LTB4R: variants seen among roughly 807,000 people sequenced by gnomAD.
LTB4R encodes the protein leukotriene B4 receptor 1.
For synonymous variants in LTB4R, 250 were observed against 230.7 expected (o/e 1.08, Z -0.76); for missense variants, 470 against 485.6 (o/e 0.97, Z 0.30).
Position 24,316,506 on chromosome 14 carries a change from C to A in LTB4R, c.855C>A (p.Tyr285Ter). ...GCAGCAGCGTGAACCCCGTGCTGTA[C>A]GCGTGCGCCGGCGGCGGCCTGCTGC... is the stretch of plus-strand genomic sequence containing the variant. ...FLSSSVNPVL[Y>*]ACAGGGLLRS... The change falls in exon 2 of 2, where the codon TAC becomes TAA. Residue 285 changes from tyrosine (Y) to a stop codon, truncating the protein, a stop_gained. Coordinates refer to ENST00000345363, the MANE Select transcript of LTB4R (RefSeq NM_001143919.3). LOFTEE classifies it low-confidence loss of function (END_TRUNC). The A allele has an allele frequency of 6.7e-7, 1 of 1,498,858 alleles. No individual in the cohort carries two copies. The highest frequency in any genetic ancestry group is 2.7e-5 in the East Asian group (1 of 37,422). The allele number at this position is 1,498,858 out of a possible 1,614,324, so 92.8% of individuals were successfully genotyped here. A position where few individuals can be genotyped will look rare whatever the true frequency, so the allele number is the denominator to read the frequency against.
chr14:24,316,240 G>A lies in LTB4R; in HGVS notation c.589G>A (p.Val197Met), dbSNP rs550937810. 7 of 1,613,238 alleles carry A rather than the reference G, an allele frequency of 4.3e-6. No homozygotes were observed. The highest frequency in any genetic ancestry group is 5.1e-6 in the Non-Finnish European group (6 of 1,180,008). ...GGGCTTCCTGCTGCCCTTCCTGGCT[G>A]TGGTGGCCAGCTACTCGGACATAGG... ...VTGFLLPFLA[V>M]VASYSDIGRR... Residue 197 changes from valine to methionine, a missense_variant, in exon 2 of 2, where the codon GTG (valine) becomes ATG (methionine). Coordinates refer to ENST00000345363, the MANE Select transcript of LTB4R (RefSeq NM_001143919.3).
chr14:24,316,375 C>G lies in LTB4R; in HGVS notation c.724C>G (p.Leu242Val). 1 of 1,596,074 alleles carries G rather than the reference C, an allele frequency of 6.3e-7. No homozygotes were observed. The highest frequency in any genetic ancestry group is 8.5e-7 in the Non-Finnish European group (1 of 1,175,100). ...AFWLPYHVVN[L>V]AEAGRALAGQ... ...CTGGCTGCCCTACCACGTGGTGAAC[C>G]TGGCTGAGGCGGGCCGCGCGCTGGC... Residue 242 changes from leucine to valine, a missense_variant, in exon 2 of 2, where the codon CTG becomes GTG. Transcript: ENST00000345363.
chr14:24,311,911 G>A (rs142892063), intron 1 of LTB4R, 107 bp downstream of exon 1: 2 of 639,418 alleles, frequency 3.1e-6, no homozygotes, highest in African/African-American at 1.8e-5. Context: ...CAAACTGAGG[G>A]ATTATGAGGG....
chr14:24,316,389 C>A lies in LTB4R; in HGVS notation c.738C>A (p.Gly246=). 2 of 1,587,108 alleles carry A rather than the reference C, an allele frequency of 1.3e-6. No homozygotes were observed. Among genetic ancestry groups the A allele is most frequent in the Non-Finnish European group, 1.7e-6 (2 of 1,171,226 alleles). ...ACGTGGTGAACCTGGCTGAGGCGGG[C>A]CGCGCGCTGGCCGGCCAGGCCGCCG... is the stretch of plus-strand genomic sequence containing the variant. ...PYHVVNLAEA[G]RALAGQAAGL... The change falls in exon 2 of 2, where the codon GGC becomes GGA. Residue 246 remains glycine, a synonymous_variant. Coordinates refer to ENST00000345363, the MANE Select transcript of LTB4R (RefSeq NM_001143919.3).
At chr14:24,312,922 C>T (rs774524810) in intron 1 of LTB4R, among the ~76,000 whole-genome samples, 6 of 152,144 alleles carry the variant, frequency 3.9e-5, no homozygotes, top group Admixed American at 1.3e-4. Context: ...GATGGTTGGC[C>T]GCTCAAGTGG....
In LTB4R at chr14:24,316,236, G is replaced by A; in HGVS notation, c.585G>A (p.Leu195=). 2 of 1,613,456 alleles carry A rather than the reference G, an allele frequency of 1.2e-6. No individual in the cohort carries two copies. The highest frequency in any genetic ancestry group is 2.2e-5 in the South Asian group (2 of 91,086). The change falls in exon 2 of 2, where the codon CTG becomes CTA. Residue 195 remains leucine (L), a synonymous_variant. Coordinates refer to ENST00000345363, the MANE Select transcript of LTB4R (RefSeq NM_001143919.3). ...EAVTGFLLPF[L]AVVASYSDIG... Reference sequence around the variant, plus strand: ...TCACGGGCTTCCTGCTGCCCTTCCTGGCTGTGGTGGCCAGCTACTCGGACA... The same window carrying A: ...TCACGGGCTTCCTGCTGCCCTTCCTAGCTGTGGTGGCCAGCTACTCGGACA...
chr14:24,312,765 G>A (rs1446091123), intron 1 of LTB4R, among the ~76,000 whole-genome samples: 2 of 152,196 alleles, frequency 1.3e-5, no homozygotes, highest in Non-Finnish European at 2.9e-5. Flanking sequence ...ATTGGGGGAT[G>A]TAGAATGGGA....
chr14:24,316,122 A>C lies in LTB4R; in HGVS notation c.471A>C (p.Thr157=), dbSNP rs1217618040. ...LLATPVLAYR[T]VVPWKTNMSL... ...CCACACCCGTCCTCGCGTACCGCAC[A>C]GTAGTGCCCTGGAAAACGAACATGA... Residue 157 remains threonine (T), a synonymous_variant, in exon 2 of 2, where the codon ACA becomes ACC. Transcript: ENST00000345363. 1 of 1,613,692 alleles carries C rather than the reference A, an allele frequency of 6.2e-7. No homozygotes were observed. The highest frequency in any genetic ancestry group is 2.2e-5 in the East Asian group (1 of 44,896).
Position 24,311,537 on chromosome 14 carries a change from C to T in LTB4R, c.-283C>T. 6.2e-7 allele frequency: 1 copy of T among 1,605,776 alleles called. No individual in the cohort carries two copies. ...TCAACCCGGTGCTCTACGTCTTCAC[C>T]GCTGGAGATCTGCTGCCCCGGGCAG... On this transcript the variant is annotated 5_prime_UTR_variant, in exon 1 of 2. Coordinates refer to ENST00000345363, the MANE Select transcript of LTB4R (RefSeq NM_001143919.3).
Position 24,316,196 on chromosome 14 carries a change from T to C in LTB4R, c.545T>C (p.Leu182Pro). Residue 182 changes from leucine to proline, a missense_variant, in exon 2 of 2, where the codon CTA becomes CCA. Coordinates refer to ENST00000345363, the MANE Select transcript of LTB4R (RefSeq NM_001143919.3). The stretch of plus-strand genomic sequence containing the variant: ...AGCGAAGGGCACCGGGCCTTCCATC[T>C]AATCTTCGAGGCTGTCACGGGCTTC... ...YPSEGHRAFH[L>P]IFEAVTGFLL... 2 of 1,613,842 alleles carry C rather than the reference T, an allele frequency of 1.2e-6. No individual in the cohort carries two copies. The highest frequency in any genetic ancestry group is 1.7e-6 in the Non-Finnish European group (2 of 1,180,026).
At position 24,316,058 on chromosome 14, in the gene LTB4R, G is replaced by C. The variant is rs779808809; in HGVS notation, c.407G>C (p.Arg136Pro). 4.3e-6 allele frequency: 7 copies of C among 1,613,332 alleles called. No individual in the cohort carries two copies. Among genetic ancestry groups the C allele is most frequent in the Non-Finnish European group, 1.7e-6 (2 of 1,180,026 alleles). The change falls in exon 2 of 2, where the codon CGG becomes CCG. Residue 136 changes from arginine (R) to proline (P), a missense_variant. Transcript: ENST00000345363. The part of the protein sequence containing the change: ...QKLRTKAMAR[R>P]VLAGIWVLSF... ...CTACGCACCAAGGCGATGGCCCGGC[G>C]GGTGCTGGCAGGCATCTGGGTGTTG...
At position 24,311,534 on chromosome 14, in the gene LTB4R, C is replaced by A; in HGVS notation, c.-286C>A. The A allele has an allele frequency of 6.2e-7, 1 of 1,605,332 alleles. No homozygotes were observed. Among genetic ancestry groups the A allele is most frequent in the South Asian group, 1.1e-5 (1 of 91,088 alleles). ...GCGTCAACCCGGTGCTCTACGTCTT[C>A]ACCGCTGGAGATCTGCTGCCCCGGG... On this transcript the variant is annotated 5_prime_UTR_variant, in exon 1 of 2. Coordinates refer to ENST00000345363, the MANE Select transcript of LTB4R (RefSeq NM_001143919.3).
At position 24,316,639 on chromosome 14, in the gene LTB4R, G is replaced by A. The variant is rs757895009; in HGVS notation, c.988G>A (p.Ala330Thr). 3.1e-5 allele frequency: 48 copies of A among 1,527,878 alleles called. No homozygotes were observed. Among genetic ancestry groups the A allele is most frequent in the Non-Finnish European group, 2.5e-5 (28 of 1,138,934 alleles). The allele number at this position is 1,527,878 out of a possible 1,614,324, so 94.6% of individuals were successfully genotyped here. A position where few individuals can be genotyped will look rare whatever the true frequency, so the allele number is the denominator to read the frequency against. The change falls in exon 2 of 2, where the codon GCC (alanine) becomes ACC (threonine). Residue 330 changes from alanine (A) to threonine (T), a missense_variant. Ala to Thr is a moderately conservative substitution (Grantham distance 58, BLOSUM62 0). Transcript: ENST00000345363. ...SLGQTARSGP[A>T]ALEPGPSESL... ...GGGCCAGACCGCTAGGAGCGGCCCCGCCGCTCTGGAGCCCGGCCCTTCCGA... is the reference window on the plus strand; with the variant it reads ...GGGCCAGACCGCTAGGAGCGGCCCCACCGCTCTGGAGCCCGGCCCTTCCGA...
intron 1 of LTB4R, chr14:24,314,417 C>G (rs767577954): frequency 1.3e-5 from 2 of 152,232 alleles, no homozygotes; most frequent in Non-Finnish European, 2.9e-5. Context: ...CCCCCTTCGG[C>G]ATTTACTGAT....
intron 1 of LTB4R, chr14:24,314,259 T>C (rs770975065): frequency 1.3e-5 from 2 of 152,330 alleles, no homozygotes; most frequent in East Asian, 3.9e-4. Context: ...ACCATTTGGA[T>C]TTTGGCTTCT....
Position 24,316,671 on chromosome 14 carries a change from C to A in LTB4R, c.1020C>A (p.Leu340=), listed in dbSNP as rs1293889376. ...TGGAGCCCGGCCCTTCCGAGAGCCT[C>A]ACTGCCTCCAGCCCTCTCAAGTTAA... The part of the protein sequence containing the change: ...AALEPGPSES[L]TASSPLKLNE... The change falls in exon 2 of 2, where the codon CTC becomes CTA. Residue 340 remains leucine (L), a synonymous_variant. Transcript: ENST00000345363. 6.5e-7 allele frequency: 1 copy of A among 1,541,302 alleles called. No individual in the cohort carries two copies. The highest frequency in any genetic ancestry group is 2.6e-5 in the East Asian group (1 of 39,104).
Position 24,317,926 on chromosome 14 carries a change from G to T in LTB4R, c.*1216G>T, listed in dbSNP as rs959721427. 1.7e-5 allele frequency: 3 copies of T among 178,518 alleles called. No homozygotes were observed. The highest frequency in any genetic ancestry group is 5.7e-5 in the Admixed American group (1 of 17,636). The allele number at this position is 178,518 out of a possible 1,614,324, so 11.1% of individuals were successfully genotyped here. ...GAGAACAGCAGCTGAAACTGGGAGGGACCTAACGGAGTATTTCCCAGTCCT... is the reference window on the plus strand; with the variant it reads ...GAGAACAGCAGCTGAAACTGGGAGGTACCTAACGGAGTATTTCCCAGTCCT... On this transcript the variant is annotated 3_prime_UTR_variant, in exon 2 of 2. Transcript: ENST00000345363.
chr14:24,314,391 C>A, intron 1 of LTB4R: 1 of 152,348 alleles, frequency 6.6e-6, no homozygotes, highest in Non-Finnish European at 1.5e-5. Context: ...GAACTGAAGC[C>A]AAGGACAGAG....
At chr14:24,312,083 A>C in intron 1 of LTB4R, 1 of 261,216 alleles carries the variant, frequency 3.8e-6, no homozygotes, top group Non-Finnish European at 7.7e-6. Context: ...TTCATGCCTG[A>C]GTTGTACTGA....
Sources: gnomAD v4.1 joint callset for allele counts (sites outside exome capture counted in the v4.1 genomes callset) on GRCh38, gnomAD v4.1.1 for gene constraint, MANE v1.5 for transcripts, NCBI Gene and HGNC (gene_info 2026-07-23, HGNC 2026-07-21) for gene names.